EMSY: variants seen among roughly 807,000 people sequenced by gnomAD.
EMSY encodes the protein EMSY transcriptional repressor, BRCA2 interacting.
EMSY carries 26 observed loss-of-function variants against 134.6 expected under a neutral mutation model. That is an observed-to-expected ratio of 0.19 (90% CI 0.14 to 0.27). The LOEUF is 0.27. EMSY is among the 10% of genes least tolerant of loss of function. The pLI, the probability that EMSY is intolerant of heterozygous loss-of-function variation, is 1.00. For synonymous variants in EMSY, 579 were observed against 577.8 expected (o/e 1.00, Z -0.03); for missense variants, 1,305 against 1,611.4 (o/e 0.81, Z 3.26).
At chr11:76,523,384 A>AATAGCCAG in intron 12 of EMSY, 93 bp downstream of exon 13, 1 of 1,391,850 alleles carries the variant, frequency 7.2e-7, no homozygotes, top group Admixed American at 2.7e-5. Context: ...AGAAGCCCAC[A>AATAGCCAG]ATAGCCAGAA....
intron 9 of EMSY, among the ~76,000 whole-genome samples, chr11:76,512,627 T>G (rs896720286): frequency 2.6e-5 from 4 of 151,884 alleles, no homozygotes; most frequent in Non-Finnish European, 5.9e-5. Context: ...AGCTACACTT[T>G]TTTTTTTTCT....
intron 8 of EMSY, among the ~76,000 whole-genome samples, chr11:76,491,817 G>A (rs938694501): frequency 2.0e-5 from 3 of 152,174 alleles, no homozygotes; most frequent in African/African-American, 7.2e-5. Context: ...AGTGAACTCT[G>A]TCACCTCATG....
At chr11:76,491,025 T>C (rs1197636383) in intron 8 of EMSY, among the ~76,000 whole-genome samples, 6 of 152,198 alleles carry the variant, frequency 3.9e-5, no homozygotes, top group African/African-American at 1.2e-4. Flanking sequence ...AATATACTTA[T>C]ATATCAGTTT....
downstream of EMSY, chr11:76,552,466 A>G (rs1335362197): frequency 6.6e-6 from 1 of 152,254 alleles, no homozygotes; most frequent in East Asian, 1.9e-4. Flanking sequence ...AAAGTAATTT[A>G]AAGTCATCTC....
At chr11:76,515,288 GA>G (rs1401010096) in intron 10 of EMSY, among the ~76,000 whole-genome samples, 1 of 151,850 alleles carries the variant, frequency 6.6e-6, no homozygotes, top group Non-Finnish European at 1.5e-5. Flanking sequence ...TTCTTCAAGT[GA>G]AGATGATGTT....
At chr11:76,450,819 G>T (rs1197788065) in intron 2 of EMSY, among the ~76,000 whole-genome samples, 3 of 138,084 alleles carry the variant, frequency 2.2e-5, no homozygotes, top group Non-Finnish European at 4.7e-5. Flanking sequence ...TTTAAGACAG[G>T]ATCTCGCTCA....
chr11:76,492,886 T>C (rs1949478570), intron 8 of EMSY, among the ~76,000 whole-genome samples: 1 of 152,096 alleles, frequency 6.6e-6, no homozygotes, highest in African/African-American at 2.4e-5. Context: ...CTGGCCCGCC[T>C]GTGGCCACCC....
intron 8 of EMSY, among the ~76,000 whole-genome samples, chr11:76,475,392 A>T (rs1357495234): frequency 6.6e-6 from 1 of 152,198 alleles, no homozygotes. Context: ...CAAGCTTCTA[A>T]TTTTCATTCT....
chr11:76,489,315 C>CTT lies in EMSY; in HGVS notation c.1109-6884_1109-6883dup, dbSNP rs57048007. On this transcript the variant is annotated intron_variant, in intron 8 of 20. Coordinates refer to ENST00000334736, the Ensembl canonical transcript of EMSY. ...GACTTGATCAGATTCTTCTTGTTTT[C>CTT]TTTTTTTTTTTTTTTTTGGTCTACT... Among the ~76,000 whole-genome samples, 190 of 128,142 alleles carry CTT rather than the reference C, an allele frequency of 1.5e-3. 2 individuals carry two copies. The highest frequency in any genetic ancestry group is 3.8e-4 in the Non-Finnish European group (23 of 59,938). The allele number at this position is 128,142 out of a possible 152,430, so 84.1% of individuals were successfully genotyped here. A position where few individuals can be genotyped will look rare whatever the true frequency, so the allele number is the denominator to read the frequency against.
chr11:76,472,518 A>G (rs748087695), intron 7 of EMSY, 46 bp from the exon 9 acceptor site: 3 of 1,524,238 alleles, frequency 2.0e-6, no homozygotes, highest in Non-Finnish European at 2.7e-6. Context: ...TAGATACATT[A>G]GTAGTTTAGT....
intron 1 of EMSY, among the ~76,000 whole-genome samples, 154 bp downstream of exon 1, chr11:76,445,282 G>C (rs557058327): frequency 3.3e-5 from 5 of 152,304 alleles, no homozygotes; most frequent in African/African-American, 1.2e-4. Flanking sequence ...GGTGGACTCA[G>C]GGGGACTCTG....
chr11:76,482,199 A>G lies in EMSY; in HGVS notation c.1108+9359A>G, dbSNP rs531965983. 1.1e-4 allele frequency among the ~76,000 whole-genome samples: 16 copies of G among 152,312 alleles called. No individual in the cohort carries two copies. In the East Asian group the frequency reaches 2.9e-3, roughly 28 times the overall value. On this transcript the variant is annotated intron_variant, in intron 8 of 20. Coordinates refer to ENST00000334736, the Ensembl canonical transcript of EMSY. Reference sequence around the variant, plus strand: ...AAACTAACAAGCAGAAAGGAATAGCATCAACATCAGCAAAAAGGATGTCCA... The same window carrying G: ...AAACTAACAAGCAGAAAGGAATAGCGTCAACATCAGCAAAAAGGATGTCCA...
intron 11 of EMSY, among the ~76,000 whole-genome samples, chr11:76,522,501 G>C (rs761343093): frequency 6.6e-6 from 1 of 151,298 alleles, no homozygotes; most frequent in Non-Finnish European, 1.5e-5. Context: ...CCAAGTAGCT[G>C]GGATTACAGG....
At chr11:76,449,632 GT>G (rs1947570156) in intron 2 of EMSY, among the ~76,000 whole-genome samples, 1 of 152,032 alleles carries the variant, frequency 6.6e-6, no homozygotes, top group Non-Finnish European at 1.5e-5. Flanking sequence ...ACTGCCTTCT[GT>G]CATTACTTCC....
Position 76,485,928 on chromosome 11 carries a change from G to A in EMSY, c.1109-10287G>A, listed in dbSNP as rs542773378. ...ATATACCCAAAGGATTATACATCAT[G>A]CTACTATAAAGACACATGCACATGT... is the stretch of plus-strand genomic sequence containing the variant. On this transcript the variant is annotated intron_variant, in intron 8 of 20. Transcript: ENST00000334736. Among the ~76,000 whole-genome samples the A allele has an allele frequency of 3.3e-5, 5 of 152,244 alleles. No homozygotes were observed. The East Asian group carries it at 9.7e-4, about 29-fold the overall frequency.
exon 10 of EMSY, chr11:76,513,475 A>C: frequency 6.2e-7 from 1 of 1,613,664 alleles, no homozygotes; most frequent in East Asian, 2.2e-5. Context: ...CAATTCCCCT[A>C]TTATGGTGGT....
chr11:76,542,086 C>G, intron 17 of EMSY, 130 bp from the exon 19 acceptor site: 1 of 1,172,624 alleles, frequency 8.5e-7, no homozygotes, highest in Admixed American at 1.8e-5. Flanking sequence ...CTGTGGTCTT[C>G]TGCCTCCTAG....
intron 9 of EMSY, among the ~76,000 whole-genome samples, chr11:76,499,829 T>C (rs1949791935): frequency 6.6e-6 from 1 of 152,118 alleles, no homozygotes; most frequent in Non-Finnish European, 1.5e-5. Context: ...ATACATGTGT[T>C]GGCCATGTGA....
chr11:76,519,478 T>A (rs966497089), intron 11 of EMSY, among the ~76,000 whole-genome samples: 1 of 152,234 alleles, frequency 6.6e-6, no homozygotes, highest in Non-Finnish European at 1.5e-5. Flanking sequence ...TACATTGGAT[T>A]CTTCAGAGTT....
Sources: allele counts gnomAD v4.1 joint callset (sites outside exome capture counted in the v4.1 genomes callset), GRCh38; gene constraint gnomAD v4.1.1; transcripts MANE v1.5; gene names NCBI Gene and HGNC (gene_info 2026-07-23, HGNC 2026-07-21).